PIWIL3: variants seen among roughly 807,000 people sequenced by gnomAD.
PIWIL3 encodes piwi like RNA-mediated gene silencing 3, also known as piwi-like protein 3.
Under a neutral mutation model 109.7 loss-of-function variants are expected in PIWIL3, and 101 were observed. That is an observed-to-expected ratio of 0.92 (90% CI 0.78 to 1.09). The LOEUF is 1.09. Ranked by LOEUF, PIWIL3 falls within the 50% of genes least tolerant of loss-of-function variation. The probability of loss-of-function intolerance (pLI) is 0.00; values close to 1 mark genes in which losing one functional copy is unlikely to be tolerated. For missense variants in PIWIL3, 1,031 were observed against 1,072.6 expected (o/e 0.96, Z 0.54); for synonymous variants, 373 against 376.4 (o/e 0.99, Z 0.10).
At chr22:24,733,841 A>G (rs1923495789) in intron 14 of PIWIL3, among the ~76,000 whole-genome samples, 1 of 152,198 alleles carries the variant, frequency 6.6e-6, no homozygotes, top group Admixed American at 6.5e-5. Flanking sequence ...TGTATGGTGT[A>G]TTTTTTCAAG....
At chr22:24,743,666 C>T (rs146208489) in intron 12 of PIWIL3, among the ~76,000 whole-genome samples, 50 of 152,048 alleles carry the variant, frequency 3.3e-4, no homozygotes, top group South Asian at 2.3e-3. Flanking sequence ...TTGGGGACTG[C>T]GGGGAAGGAT....
Position 24,756,674 on chromosome 22 carries a change from G to A in PIWIL3, c.387C>T (p.Ala129=), listed in dbSNP as rs1389780909. ...GACGAGATATCACTCGGAAGTGGTT[G>A]GCGAGTAGCTGTACCACTGTACCCT... ...GSEGTVVQLL[A]NHFRVISRPQ... The change falls in exon 5 of 21, where the codon GCC becomes GCT. Residue 129 remains alanine, a synonymous_variant. Transcript: ENST00000616349. 1 of 1,613,896 alleles carries A rather than the reference G, an allele frequency of 6.2e-7. No individual in the cohort carries two copies. Among genetic ancestry groups the A allele is most frequent in the Non-Finnish European group, 8.5e-7 (1 of 1,179,884 alleles).
chr22:24,737,883 G>A (rs896260162), intron 12 of PIWIL3, among the ~76,000 whole-genome samples: 13 of 152,132 alleles, frequency 8.5e-5, no homozygotes, highest in African/African-American at 1.7e-4. Flanking sequence ...GAAGGGGGCC[G>A]GGCGCGGTGG....
At chr22:24,762,573 C>T (rs1224987820) in intron 1 of PIWIL3, 52 bp from the exon 2 acceptor site, 3 of 1,435,952 alleles carry the variant, frequency 2.1e-6, no homozygotes, top group Non-Finnish European at 2.8e-6. Flanking sequence ...TGGTGTCTTA[C>T]TCTCTTTAGG....
At chr22:24,739,683 G>A (rs1467012900) in intron 12 of PIWIL3, among the ~76,000 whole-genome samples, 1 of 152,088 alleles carries the variant, frequency 6.6e-6, no homozygotes, top group Non-Finnish European at 1.5e-5. Context: ...ACAAAGAAAT[G>A]CTAAAAGGGG....
chr22:24,749,142 C>T lies in PIWIL3; in HGVS notation c.1335-121G>A, dbSNP rs192238408. On this transcript the variant is annotated intron_variant, in intron 11 of 20. Coordinates refer to ENST00000616349, the MANE Select transcript of PIWIL3 (RefSeq NM_001255975.1). ...ATCACTTGTCCGCAGCATTGAGATG[C>T]GGCAGTACCTTCCCTGAAACTCAGA... is the stretch of plus-strand genomic sequence containing the variant. 1,567 of 862,170 alleles carry T rather than the reference C, an allele frequency of 1.8e-3. 2 individuals carry two copies. The highest frequency in any genetic ancestry group is 1.9e-3 in the Non-Finnish European group (1,090 of 566,462). 53.4% of individuals were successfully genotyped at this position (862,170 alleles called of 1,614,324 possible). A position where few individuals can be genotyped will look rare whatever the true frequency, so the allele number is the denominator to read the frequency against.
chr22:24,725,646 G>A (rs933269931), intron 16 of PIWIL3, 131 bp from the exon 17 acceptor site: 34 of 868,434 alleles, frequency 3.9e-5, no homozygotes, highest in South Asian at 1.2e-4. Flanking sequence ...ATATCTCTAC[G>A]GAGATCAAAG....
intron 19 of PIWIL3, among the ~76,000 whole-genome samples, chr22:24,722,572 A>G (rs1922736493): frequency 6.6e-6 from 1 of 151,988 alleles, no homozygotes; most frequent in South Asian, 2.1e-4. Flanking sequence ...AAATTAGCTG[A>G]CATGGTGGTA....
Position 24,755,911 on chromosome 22 carries a change from A to G in PIWIL3, c.571-6T>C. 3 of 1,586,204 alleles carry G rather than the reference A, an allele frequency of 1.9e-6. No individual in the cohort carries two copies. Among genetic ancestry groups the G allele is most frequent in the Non-Finnish European group, 2.6e-6 (3 of 1,170,530 alleles). On this transcript the variant is annotated splice_region_variant and splice_polypyrimidine_tract_variant and intron_variant, in intron 5 of 20. Coordinates refer to ENST00000616349, the MANE Select transcript of PIWIL3 (RefSeq NM_001255975.1). Reference sequence around the variant, plus strand: ...GTGCTCAACCATTCCACTCTCTGAGATTAAAAAAAAACAAAAAAAAAAGTC... The same window carrying G: ...GTGCTCAACCATTCCACTCTCTGAGGTTAAAAAAAAACAAAAAAAAAAGTC...
Position 24,751,518 on chromosome 22 carries a change from T to C in PIWIL3, c.978-20A>G. 6.2e-7 allele frequency: 1 copy of C among 1,602,222 alleles called. No individual in the cohort carries two copies. Among genetic ancestry groups the C allele is most frequent in the East Asian group, 2.2e-5 (1 of 44,784 alleles). On this transcript the variant is annotated intron_variant, in intron 8 of 20. Transcript: ENST00000616349. ...TTGTATCTGTGGAATAATTACAATA[T>C]GGTATTATTTGACTTATTCATCACA...
At chr22:24,743,717 T>G (rs1924143858) in intron 12 of PIWIL3, among the ~76,000 whole-genome samples, 1 of 152,112 alleles carries the variant, frequency 6.6e-6, no homozygotes, top group Admixed American at 6.6e-5. Context: ...TTCAGTACAG[T>G]GTACACTGCT....
At chr22:24,764,475 T>C (rs773579980) in intron 1 of PIWIL3, among the ~76,000 whole-genome samples, 1 of 152,232 alleles carries the variant, frequency 6.6e-6, no homozygotes, top group Non-Finnish European at 1.5e-5. Flanking sequence ...CCCTTACTCA[T>C]CTGGTAAGCA....
intron 14 of PIWIL3, among the ~76,000 whole-genome samples, chr22:24,732,668 A>C (rs2054882842): frequency 6.6e-6 from 1 of 152,088 alleles, no homozygotes; most frequent in South Asian, 2.1e-4. Context: ...CTAAAAATAC[A>C]AAAAATTAGC....
At position 24,723,175 on chromosome 22, in the gene PIWIL3, G is replaced by A; in HGVS notation, c.2312C>T (p.Pro771Leu). Residue 771 changes from proline (P) to leucine (L), a missense_variant, in exon 19 of 21, where the codon CCA becomes CTA. Coordinates refer to ENST00000616349, the MANE Select transcript of PIWIL3 (RefSeq NM_001255975.1). ...FLKHGSNFQN[P>L]PPGTVIDVEL... ...TACATCAATAACTGTTCCTGGAGGT[G>A]GATTTTGAAAATTGCTTCCATGTTT... 1 of 1,612,808 alleles carries A rather than the reference G, an allele frequency of 6.2e-7. No individual in the cohort carries two copies. Among genetic ancestry groups the A allele is most frequent in the Non-Finnish European group, 8.5e-7 (1 of 1,178,960 alleles).
chr22:24,725,342 C>T, intron 17 of PIWIL3, 103 bp downstream of exon 17: 1 of 1,430,544 alleles, frequency 7.0e-7, no homozygotes, highest in East Asian at 2.3e-5. Flanking sequence ...ACACCAAAAA[C>T]TAAAGGTTCA....
At chr22:24,759,022 T>C (rs1403606835) in intron 3 of PIWIL3, among the ~76,000 whole-genome samples, 2 of 152,200 alleles carry the variant, frequency 1.3e-5, no homozygotes, top group Admixed American at 6.5e-5. Context: ...GCCTCCCTAG[T>C]AGCTGGGACT....
At chr22:24,744,196 A>AC (rs1178442138) in intron 12 of PIWIL3, among the ~76,000 whole-genome samples, 3 of 148,082 alleles carry the variant, frequency 2.0e-5, no homozygotes, top group East Asian at 1.9e-4. Context: ...AAAAAAAAAA[A>AC]AAAAAAAAAA....
At chr22:24,774,199 C>T (rs1332093760) in intron 1 of PIWIL3, 123 bp downstream of exon 1, 2 of 152,166 alleles carry the variant, frequency 1.3e-5, no homozygotes, top group Non-Finnish European at 2.9e-5. Flanking sequence ...GTTTCCTCTC[C>T]TCTTGAAATC....
chr22:24,723,026 T>C, intron 19 of PIWIL3, 104 bp downstream of exon 19: 1 of 1,276,736 alleles, frequency 7.8e-7, no homozygotes, highest in Non-Finnish European at 1.1e-6. Context: ...TTCTAAAGAA[T>C]CAGCAGTGCT....
Sources: gnomAD v4.1 joint callset for allele counts (sites outside exome capture counted in the v4.1 genomes callset) on GRCh38, gnomAD v4.1.1 for gene constraint, MANE v1.5 for transcripts, NCBI Gene and HGNC (gene_info 2026-07-23, HGNC 2026-07-21) for gene names.